The following SPATA1 variants were observed in gnomAD, a reference collection of about 807,000 sequenced individuals.
The protein encoded by SPATA1 is spermatogenesis associated 1, also known as spermatogenesis-associated protein 1.
A neutral mutation model predicts 59.6 loss-of-function variants in SPATA1; 57 were observed. That is an observed-to-expected ratio of 0.96 (90% CI 0.77 to 1.19). The LOEUF (loss-of-function observed/expected upper bound fraction) is 1.19. SPATA1 is among the 50% of genes most tolerant of loss of function. SPATA1 has a pLI of 0.00. For missense variants in SPATA1, 448 were observed against 480.7 expected (o/e 0.93, Z 0.64); for synonymous variants, 147 against 163.9 (o/e 0.90, Z 0.79).
chr1:84,550,815 A>T lies in SPATA1; in HGVS notation c.1224+285A>T, dbSNP rs548161144. The T allele has an allele frequency of 1.7e-4, 173 of 1,012,720 alleles. No homozygotes were observed. In the African/African-American group the frequency reaches 2.4e-3, roughly 14 times the overall value. The allele number at this position is 1,012,720 out of a possible 1,614,324, so 62.7% of individuals were successfully genotyped here. ...GTGAGTCAATATATTCTCAAAAAAAATTTTAAGTAGTTTTCCTGTATTAGA... is the reference window on the plus strand; with the variant it reads ...GTGAGTCAATATATTCTCAAAAAAATTTTTAAGTAGTTTTCCTGTATTAGA... On this transcript the variant is annotated intron_variant, in intron 12 of 12. Coordinates refer to ENST00000490879, the Ensembl canonical transcript of SPATA1.
exon 10 of SPATA1, chr1:84,545,705 C>A: frequency 1.3e-6 from 2 of 1,534,970 alleles, no homozygotes; most frequent in Non-Finnish European, 1.7e-6. Context: ...TAGAGAAGAA[C>A]TAGTAAAAAC....
In SPATA1 at chr1:84,550,462, C is replaced by CA; in HGVS notation, c.1157dup (p.His387AlafsTer4). 1.9e-6 allele frequency: 3 copies of CA among 1,562,948 alleles called. No homozygotes were observed. The highest frequency in any genetic ancestry group is 2.6e-6 in the Non-Finnish European group (3 of 1,152,856). On this transcript the variant is annotated frameshift_variant, in exon 12 of 13. Coordinates refer to ENST00000490879, the Ensembl canonical transcript of SPATA1. LOFTEE classifies it high-confidence loss of function. ...CCTAATAATCCAGATCACTGAGGTA[C>CA]AGCATGCAATTGACCAGCTTAAGAG...
chr1:84,562,607 C>G (rs543087883), intron 4 of SPATA1, among the ~76,000 whole-genome samples: 1 of 151,994 alleles, frequency 6.6e-6, no homozygotes, highest in Non-Finnish European at 1.5e-5. Context: ...TGTGGAAGAG[C>G]CTTTATAATG....
chr1:84,542,312 G>C (rs1319800155), intron 8 of SPATA1, among the ~76,000 whole-genome samples: 1 of 152,066 alleles, frequency 6.6e-6, no homozygotes, highest in African/African-American at 2.4e-5. Flanking sequence ...TTTTCCACTA[G>C]CTTAGTTCAG....
At position 84,548,772 on chromosome 1, in the gene SPATA1, TTTTTTTTTTA is replaced by T; in HGVS notation, c.947-12_947-3del. The T allele has an allele frequency of 8.7e-7, 1 of 1,144,802 alleles. No individual in the cohort carries two copies. The highest frequency in any genetic ancestry group is 1.1e-6 in the Non-Finnish European group (1 of 915,622). 70.9% of individuals were successfully genotyped at this position (1,144,802 alleles called of 1,614,324 possible). On this transcript the variant is annotated splice_region_variant and splice_polypyrimidine_tract_variant and intron_variant, in intron 10 of 12. Transcript: ENST00000490879. ...TTCCTTTTTTTTTTTTTTTTTTTTT[TTTTTTTTTTA>T]TAGCCTACAATGGTTGGAAGAAAAA...
intron 12 of SPATA1, chr1:84,550,982 G>C (rs1684253676): frequency 3.0e-6 from 3 of 984,214 alleles, no homozygotes; most frequent in Non-Finnish European, 3.6e-6. Context: ...TAGATGTTAA[G>C]TTTCCTTCCT....
At chr1:84,550,207 G>T in intron 11 of SPATA1, 1 of 300,200 alleles carries the variant, frequency 3.3e-6, no homozygotes, top group Non-Finnish European at 6.2e-6. Context: ...TGGTTTTTAC[G>T]ATGCTAATTT....
At chr1:84,529,576 C>CTTTTTTTTTT (rs761561650) in intron 6 of SPATA1, among the ~76,000 whole-genome samples, 11 of 91,346 alleles carry the variant, frequency 1.2e-4, no homozygotes, top group Admixed American at 1.5e-4. Flanking sequence ...GGTAATATGC[C>CTTTTTTTTTT]TTTTTTTTTT....
At chr1:84,529,182 G>T (rs1032050279) in intron 6 of SPATA1, among the ~76,000 whole-genome samples, 4 of 151,924 alleles carry the variant, frequency 2.6e-5, no homozygotes, top group African/African-American at 9.7e-5. Flanking sequence ...AAACTGCTTT[G>T]TATCTGTAAA....
chr1:84,517,951 C>T (rs2101928579), intron 2 of SPATA1, among the ~76,000 whole-genome samples: 1 of 151,572 alleles, frequency 6.6e-6, no homozygotes. Context: ...TGATATAATG[C>T]AATATAAAAT....
chr1:84,566,093 T>G, exon 5 of SPATA1: 1 of 825,918 alleles, frequency 1.2e-6, no homozygotes, highest in Non-Finnish European at 1.7e-6. Context: ...ATATATATTT[T>G]TTACCTTATA....
intron 1 of SPATA1, among the ~76,000 whole-genome samples, chr1:84,514,841 C>G: frequency 6.6e-6 from 1 of 152,002 alleles, no homozygotes; most frequent in Non-Finnish European, 1.5e-5. Context: ...AGTGGAGGCA[C>G]ACGCCTGTAA....
At chr1:84,529,912 A>G (rs1401831049) in intron 6 of SPATA1, among the ~76,000 whole-genome samples, 1 of 149,278 alleles carries the variant, frequency 6.7e-6, no homozygotes, top group South Asian at 2.1e-4. Flanking sequence ...GCTGGAGTGC[A>G]GTGGCACAAT....
chr1:84,533,615 T>A, intron 7 of SPATA1, 94 bp from the exon 8 acceptor site: 1 of 1,008,454 alleles, frequency 9.9e-7, no homozygotes, highest in Non-Finnish European at 1.5e-6. Context: ...AATATTTGTG[T>A]TTACAGAGCA....
chr1:84,530,719 ATAACT>A (rs1433712097), intron 6 of SPATA1, among the ~76,000 whole-genome samples: 2 of 152,222 alleles, frequency 1.3e-5, no homozygotes, highest in Non-Finnish European at 2.9e-5. Flanking sequence ...AGTTAGAGAA[ATAACT>A]TAACTGAAGT....
intron 8 of SPATA1, among the ~76,000 whole-genome samples, chr1:84,537,510 C>G (rs190870988): frequency 6.6e-6 from 1 of 152,250 alleles, no homozygotes; most frequent in Admixed American, 6.5e-5. Context: ...GAGACCTTAG[C>G]CAGTTTACAT....
chr1:84,562,643 ACTTTT>A (rs1684616790), intron 4 of SPATA1, among the ~76,000 whole-genome samples: 1 of 152,078 alleles, frequency 6.6e-6, no homozygotes, highest in South Asian at 2.1e-4. Context: ...GAAAACTGTA[ACTTTT>A]CTTTGCCATT....
Position 84,532,977 on chromosome 1 carries a change from A to G in SPATA1, c.659+3A>G. 1 of 1,538,822 alleles carries G rather than the reference A, an allele frequency of 6.5e-7. No individual in the cohort carries two copies. The highest frequency in any genetic ancestry group is 2.5e-5 in the East Asian group (1 of 40,814). On this transcript the variant is annotated splice_donor_region_variant and intron_variant, in intron 7 of 12. Transcript: ENST00000490879. ...GATTGCTTTGGCACTAAAAAAAGGT[A>G]ATTAGTATAGATGCTGATTCCACAT...
chr1:84,563,190 C>T, intron 4 of SPATA1: 1 of 1,086,720 alleles, frequency 9.2e-7, no homozygotes, highest in Non-Finnish European at 1.2e-6. Flanking sequence ...TGATATCAAA[C>T]ATCTAATTAT....
Sources: allele counts gnomAD v4.1 joint callset (sites outside exome capture counted in the v4.1 genomes callset), GRCh38; gene constraint gnomAD v4.1.1; transcripts MANE v1.5; gene names NCBI Gene and HGNC (gene_info 2026-07-23, HGNC 2026-07-21).